SLCO1C1: variants seen among roughly 807,000 people sequenced by gnomAD.
The protein encoded by SLCO1C1 is OAT-RP-5.
SLCO1C1 carries 70 observed loss-of-function variants against 76.4 expected under a neutral mutation model. The ratio of observed to expected loss-of-function variants is 0.92; its 90% CI spans 0.76 to 1.12. The LOEUF is 1.12. Among genes scored for constraint, SLCO1C1 ranks in the 50% most tolerant of loss-of-function variants. The pLI is 0.00. For synonymous variants in SLCO1C1, 306 were observed against 286.1 expected (o/e 1.07, Z -0.70); for missense variants, 912 against 823.8 (o/e 1.11, Z -1.31).
intron 9 of SLCO1C1, among the ~76,000 whole-genome samples, chr12:20,725,853 T>C (rs900267450): frequency 6.6e-6 from 1 of 152,050 alleles, no homozygotes; most frequent in African/African-American, 2.4e-5. Context: ...GCGGTATGGT[T>C]GTGGTATTTC....
At chr12:20,715,031 A>C (rs1947298366) in intron 5 of SLCO1C1, 108 bp from the exon 6 acceptor site, 7 of 1,377,192 alleles carry the variant, frequency 5.1e-6, no homozygotes, top group Non-Finnish European at 6.9e-6. Flanking sequence ...TATTGCACAA[A>C]AACTCCTGCA....
chr12:20,713,301 G>A (rs1163457818), intron 5 of SLCO1C1, among the ~76,000 whole-genome samples: 1 of 151,856 alleles, frequency 6.6e-6, no homozygotes, highest in Non-Finnish European at 1.5e-5. Context: ...GGATGGTCTC[G>A]ATCTCCTGAC....
chr12:20,744,245 G>A (rs1437199336), intron 13 of SLCO1C1, among the ~76,000 whole-genome samples: 1 of 152,028 alleles, frequency 6.6e-6, no homozygotes, highest in Non-Finnish European at 1.5e-5. Context: ...GTATATGCCT[G>A]GCAAGAATTG....
chr12:20,708,328 A>G (rs1946886218), intron 4 of SLCO1C1, among the ~76,000 whole-genome samples: 2 of 152,164 alleles, frequency 1.3e-5, no homozygotes, highest in African/African-American at 4.8e-5. Context: ...ATGTATATAT[A>G]TATAATTTTT....
At position 20,725,051 on chromosome 12, in the gene SLCO1C1, TTAA is replaced by T. The variant is rs1333132249; in HGVS notation, c.1186+1799_1186+1801del. Among the ~76,000 whole-genome samples the T allele has an allele frequency of 2.5e-3, 342 of 137,798 alleles. 4 individuals carry two copies. Among genetic ancestry groups the T allele is most frequent in the African/African-American group, 7.6e-3 (288 of 37,968 alleles). The allele number at this position is 137,798 out of a possible 152,430, so 90.4% of individuals were successfully genotyped here. A position where few individuals can be genotyped will look rare whatever the true frequency, so the allele number is the denominator to read the frequency against. ...TATATTAATATGTATATAATATGTA[TTAA>T]TTATATATTATATATATTATAATAA... On this transcript the variant is annotated intron_variant, in intron 9 of 14. Transcript: ENST00000266509.
chr12:20,739,672 C>T (rs1461935158), intron 11 of SLCO1C1, among the ~76,000 whole-genome samples: 3 of 152,074 alleles, frequency 2.0e-5, no homozygotes, highest in African/African-American at 7.2e-5. Flanking sequence ...CCAGGTGCTA[C>T]ATGATGGAGA....
Position 20,705,939 on chromosome 12 carries a change from T to C in SLCO1C1, c.272-10T>C, listed in dbSNP as rs746729301. Reference sequence around the variant, plus strand: ...CTCTAATTTATGATGTTTTATTCTTTTCCTCAAAGGGAATCTCTTAGTTAT... The same window carrying C: ...CTCTAATTTATGATGTTTTATTCTTCTCCTCAAAGGGAATCTCTTAGTTAT... On this transcript the variant is annotated splice_polypyrimidine_tract_variant and intron_variant, in intron 3 of 14. Coordinates refer to ENST00000266509, the MANE Select transcript of SLCO1C1 (RefSeq NM_017435.5). 1.2e-6 allele frequency: 2 copies of C among 1,611,938 alleles called. No individual in the cohort carries two copies. The highest frequency in any genetic ancestry group is 1.7e-5 in the Admixed American group (1 of 59,810).
At chr12:20,711,603 T>G in intron 5 of SLCO1C1, 93 bp downstream of exon 5, 1 of 1,377,658 alleles carries the variant, frequency 7.3e-7, no homozygotes, top group Non-Finnish European at 9.8e-7. Context: ...TGATTTTTGC[T>G]CCCAAAAGCT....
intron 13 of SLCO1C1, among the ~76,000 whole-genome samples, chr12:20,748,547 C>G (rs1949151373): frequency 6.6e-6 from 1 of 152,000 alleles, no homozygotes; most frequent in African/African-American, 2.4e-5. Flanking sequence ...TAATATAATC[C>G]CTCATTCAAA....
chr12:20,718,768 A>G (rs1015934747), intron 7 of SLCO1C1, among the ~76,000 whole-genome samples: 6 of 152,168 alleles, frequency 3.9e-5, no homozygotes, highest in African/African-American at 1.4e-4. Flanking sequence ...CCTTCCTCTT[A>G]CCAGGGGTCT....
chr12:20,724,751 A>G (rs1465910364), intron 9 of SLCO1C1, among the ~76,000 whole-genome samples: 2 of 147,190 alleles, frequency 1.4e-5, no homozygotes, highest in East Asian at 1.9e-4. Context: ...ATCTTATTAC[A>G]TAAATAAACC....
chr12:20,739,389 T>G (rs1328092958), intron 11 of SLCO1C1, among the ~76,000 whole-genome samples: 1 of 147,518 alleles, frequency 6.8e-6, no homozygotes, highest in African/African-American at 2.6e-5. Flanking sequence ...ATGGGAGTTG[T>G]TTTTTTTTGT....
chr12:20,719,814 G>T (rs555093712), intron 7 of SLCO1C1, among the ~76,000 whole-genome samples: 2 of 152,144 alleles, frequency 1.3e-5, no homozygotes, highest in Non-Finnish European at 2.9e-5. Context: ...AGCCAGTGCC[G>T]GTGGAGAAGC....
chr12:20,734,654 T>G (rs1444006200), intron 10 of SLCO1C1, among the ~76,000 whole-genome samples: 1 of 152,176 alleles, frequency 6.6e-6, no homozygotes, highest in Non-Finnish European at 1.5e-5. Context: ...CATCATAATT[T>G]CTAAGCCAAA....
In SLCO1C1 at chr12:20,721,915, C is replaced by G. The variant is rs777358150; in HGVS notation, c.887C>G (p.Pro296Arg). The G allele has an allele frequency of 1.2e-6, 2 of 1,614,038 alleles. No individual in the cohort carries two copies. The highest frequency in any genetic ancestry group is 3.3e-5 in the Admixed American group (2 of 60,008). ...GCAGCTGTGCCTTTCTGGTATTTAC[C>G]AAAGAGTTTACCAAGATCCCAAAGT... ...LLAAVPFWYL[P>R]KSLPRSQSRE... is the part of the protein sequence containing the mutation. Residue 296 changes from proline (P) to arginine (R), a missense_variant, in exon 8 of 15, where the codon CCA (proline) becomes CGA (arginine). Transcript: ENST00000266509.
intron 9 of SLCO1C1, among the ~76,000 whole-genome samples, chr12:20,727,601 G>A (rs960103648): frequency 1.3e-5 from 2 of 151,850 alleles, no homozygotes; most frequent in African/African-American, 2.4e-5. Context: ...GCTCCGCCTC[G>A]CGGGTTCACG....
intron 9 of SLCO1C1, among the ~76,000 whole-genome samples, chr12:20,730,049 G>A (rs1417085338): frequency 6.6e-6 from 1 of 152,094 alleles, no homozygotes. Context: ...CGGCACATAG[G>A]TACAGACAAG....
chr12:20,717,099 CTTT>C (rs3983551), intron 6 of SLCO1C1, 30 bp from the exon 7 acceptor site: 9 of 1,259,706 alleles, frequency 7.1e-6, no homozygotes, highest in Admixed American at 4.4e-5. Context: ...GAAATGACAG[CTTT>C]TTTTTTTTCC....
intron 9 of SLCO1C1, among the ~76,000 whole-genome samples, chr12:20,726,263 T>A (rs1947984567): frequency 6.7e-6 from 1 of 148,292 alleles, no homozygotes; most frequent in African/African-American, 2.5e-5. Flanking sequence ...TTTTTTTTTT[T>A]AACTTGGGCT....
Sources: gnomAD v4.1 joint callset for allele counts (sites outside exome capture counted in the v4.1 genomes callset) on GRCh38, gnomAD v4.1.1 for gene constraint, MANE v1.5 for transcripts, NCBI Gene and HGNC (gene_info 2026-07-23, HGNC 2026-07-21) for gene names.